MAGI1: variants seen among roughly 807,000 people sequenced by gnomAD.
MAGI1 encodes membrane-associated guanylate kinase, WW and PDZ domain-containing protein 1.
Under a neutral mutation model 139.9 loss-of-function variants are expected in MAGI1, and 58 were observed. The ratio of observed to expected loss-of-function variants is 0.41; its 90% confidence interval spans 0.34 to 0.52. The LOEUF (loss-of-function observed/expected upper bound fraction) is 0.52. Among genes scored for constraint, MAGI1 ranks in the 20% least tolerant of loss-of-function variants. MAGI1 has a pLI of 0.12. For missense variants in MAGI1, 1,874 were observed against 1,901.6 expected (o/e 0.99, Z 0.27); for synonymous variants, 812 against 737.9 (o/e 1.10, Z -1.63).
intron 1 of MAGI1, among the ~76,000 whole-genome samples, chr3:65,771,000 A>C (rs1457123595): frequency 6.6e-6 from 1 of 151,738 alleles, no homozygotes; most frequent in Non-Finnish European, 1.5e-5. Flanking sequence ...AAATTATTTT[A>C]TTTTTAAAGA....
At chr3:65,970,418 G>T (rs569915987) in intron 1 of MAGI1, among the ~76,000 whole-genome samples, 18 of 152,054 alleles carry the variant, frequency 1.2e-4, no homozygotes, top group Admixed American at 3.3e-4. Context: ...AGGAATGGTG[G>T]TGACGACTGC....
At chr3:65,985,563 G>T (rs2065837825) in intron 1 of MAGI1, among the ~76,000 whole-genome samples, 1 of 152,150 alleles carries the variant, frequency 6.6e-6, no homozygotes, top group Non-Finnish European at 1.5e-5. Flanking sequence ...TTTGAAATAA[G>T]GACAGGACTA....
intron 1 of MAGI1, among the ~76,000 whole-genome samples, chr3:65,631,181 G>T (rs1559737467): frequency 6.6e-6 from 1 of 152,172 alleles, no homozygotes; most frequent in East Asian, 1.9e-4. Flanking sequence ...TTTAAAACTA[G>T]AACTGATACA....
At chr3:65,418,318 T>C (rs563822702) in intron 12 of MAGI1, among the ~76,000 whole-genome samples, 1 of 152,198 alleles carries the variant, frequency 6.6e-6, no homozygotes, top group Non-Finnish European at 1.5e-5. Flanking sequence ...ATTTCAGAAC[T>C]GTGCACAAAC....
chr3:65,729,550 C>G (rs908433339), intron 1 of MAGI1, among the ~76,000 whole-genome samples: 12 of 152,160 alleles, frequency 7.9e-5, no homozygotes, highest in Non-Finnish European at 1.5e-5. Flanking sequence ...TTAGAAACAA[C>G]ACTGAATCTA....
intron 1 of MAGI1, among the ~76,000 whole-genome samples, chr3:65,946,332 G>A (rs1384739658): frequency 2.0e-5 from 3 of 152,314 alleles, no homozygotes; most frequent in Admixed American, 1.3e-4. Context: ...GGCTATTGAC[G>A]CTGACCTCCC....
At chr3:65,587,479 CTTTTTTTTT>C (rs755825684) in intron 2 of MAGI1, among the ~76,000 whole-genome samples, 1 of 109,520 alleles carries the variant, frequency 9.1e-6, no homozygotes, top group South Asian at 2.9e-4. Flanking sequence ...TTACTTTTTT[CTTTTTTTTT>C]TTTTTTTTTT....
intron 1 of MAGI1, among the ~76,000 whole-genome samples, chr3:65,858,141 T>C (rs975239011): frequency 7.2e-5 from 11 of 152,068 alleles, no homozygotes; most frequent in African/African-American, 2.7e-4. Context: ...ATAATATTAA[T>C]TCTAAAATGA....
At chr3:65,487,561 T>C (rs1204707299) in intron 3 of MAGI1, among the ~76,000 whole-genome samples, 3 of 152,140 alleles carry the variant, frequency 2.0e-5, no homozygotes, top group Non-Finnish European at 4.4e-5. Flanking sequence ...AAACTAACTT[T>C]ACTGCATTTC....
chr3:65,813,201 C>G (rs2041389011), intron 1 of MAGI1, among the ~76,000 whole-genome samples: 1 of 152,028 alleles, frequency 6.6e-6, no homozygotes, highest in Non-Finnish European at 1.5e-5. Flanking sequence ...CCAAGCTATC[C>G]TCTTTGTCTC....
At chr3:65,875,715 A>G (rs775600810) in intron 1 of MAGI1, among the ~76,000 whole-genome samples, 1 of 152,218 alleles carries the variant, frequency 6.6e-6, no homozygotes, top group Non-Finnish European at 1.5e-5. Context: ...AAGATGCATT[A>G]CAGTTTAGTG....
intron 13 of MAGI1, among the ~76,000 whole-genome samples, chr3:65,395,721 G>A (rs1944340848): frequency 6.6e-6 from 1 of 150,682 alleles, no homozygotes; most frequent in Non-Finnish European, 1.5e-5. Context: ...AAGGGAGGGT[G>A]GCCTGAGAGG....
intron 1 of MAGI1, among the ~76,000 whole-genome samples, chr3:65,892,596 C>T (rs984838855): frequency 2.0e-5 from 3 of 152,108 alleles, no homozygotes; most frequent in Admixed American, 6.5e-5. Flanking sequence ...ATAATTATAA[C>T]AGCAGCTAAC....
At chr3:65,857,091 C>G (rs1373669864) in intron 1 of MAGI1, among the ~76,000 whole-genome samples, 1 of 152,208 alleles carries the variant, frequency 6.6e-6, no homozygotes, top group African/African-American at 2.4e-5. Context: ...CACGCACAGG[C>G]TACACCTGGC....
intron 3 of MAGI1, 34 bp from the exon 4 acceptor site, chr3:65,478,832 A>G (rs369757205): frequency 9.8e-6 from 15 of 1,525,982 alleles, no homozygotes; most frequent in Middle Eastern, 1.7e-4. Context: ...GCATGTTTCA[A>G]AAGGAATACT....
chr3:65,731,221 T>C (rs889513002), intron 1 of MAGI1, among the ~76,000 whole-genome samples: 9 of 152,184 alleles, frequency 5.9e-5, no homozygotes, highest in Non-Finnish European at 2.9e-5. Flanking sequence ...GTAATAGCTT[T>C]GGAGCAAATA....
At chr3:65,540,939 C>A (rs1327296054) in intron 2 of MAGI1, among the ~76,000 whole-genome samples, 1 of 152,136 alleles carries the variant, frequency 6.6e-6, no homozygotes, top group African/African-American at 2.4e-5. Context: ...CAGCAAGCCC[C>A]AGGGCCCAAC....
chr3:65,490,955 C>T (rs944169174), intron 3 of MAGI1, among the ~76,000 whole-genome samples: 1 of 151,108 alleles, frequency 6.6e-6, no homozygotes, highest in African/African-American at 2.4e-5. Flanking sequence ...TGGGTTAGAA[C>T]TGGAAAAGAT....
chr3:65,776,699 C>T (rs944346772), intron 1 of MAGI1, among the ~76,000 whole-genome samples: 4 of 152,142 alleles, frequency 2.6e-5, no homozygotes, highest in Non-Finnish European at 4.4e-5. Context: ...GTACTCCCCC[C>T]GCAACACACA....
Sources: gnomAD v4.1 joint callset for allele counts (sites outside exome capture counted in the v4.1 genomes callset) on GRCh38, gnomAD v4.1.1 for gene constraint, MANE v1.5 for transcripts, NCBI Gene and HGNC (gene_info 2026-07-23, HGNC 2026-07-21) for gene names.